The following WDR27 variants were observed in gnomAD, a reference collection of about 807,000 sequenced individuals.
WDR27 encodes the protein WD repeat-containing protein 27.
Under a neutral mutation model 114.4 loss-of-function variants are expected in WDR27, and 100 were observed. That is an observed-to-expected ratio of 0.87 (90% CI 0.74 to 1.03). The LOEUF (loss-of-function observed/expected upper bound fraction) is 1.03. Among genes scored for constraint, WDR27 ranks in the 50% least tolerant of loss-of-function variants. WDR27 has a pLI of 0.00. For synonymous variants in WDR27, 449 were observed against 423.1 expected, an observed-to-expected ratio of 1.06 and a Z score of -0.75; for missense variants, 1,129 against 1,092.9, an observed-to-expected ratio of 1.03 and a Z score of -0.47.
intron 21 of WDR27, among the ~76,000 whole-genome samples, chr6:169,623,168 G>C (rs1026175094): frequency 6.6e-6 from 1 of 152,054 alleles, no homozygotes; most frequent in Middle Eastern, 3.4e-3. Flanking sequence ...TACCCCACCC[G>C]ATCAATAAAC....
the WDR27 span, among the ~76,000 whole-genome samples, chr6:169,440,333 A>G: frequency 5.9e-5 from 9 of 152,368 alleles, no homozygotes; most frequent in South Asian, 1.2e-3. Context: ...ATTACTAAGA[A>G]GAGAAATAGT....
At chr6:169,546,864 CTTAG>C (rs1242650875) in intron 25 of WDR27, among the ~76,000 whole-genome samples, 2 of 152,104 alleles carry the variant, frequency 1.3e-5, no homozygotes, top group Non-Finnish European at 2.9e-5. Flanking sequence ...ACAGGGCCTC[CTTAG>C]TTTGTTAGAG....
At chr6:169,555,212 C>T (rs1452335985) in intron 25 of WDR27, among the ~76,000 whole-genome samples, 1 of 152,110 alleles carries the variant, frequency 6.6e-6, no homozygotes, top group South Asian at 2.1e-4. Flanking sequence ...GATGGAGACA[C>T]CAAGGTCTGA....
In WDR27 at chr6:169,647,870, C is replaced by T. The variant is rs1241158853; in HGVS notation, c.1560G>A (p.Arg520=). The T allele has an allele frequency of 1.9e-6, 3 of 1,551,826 alleles. No individual in the cohort carries two copies. The highest frequency in any genetic ancestry group is 1.2e-5 in the South Asian group (1 of 81,890). Reference sequence around the variant, plus strand: ...CAGCGCACTCCACGGGGTATGCCTCCCTGAGGGAAGGCCACAGGTAACGGT... The same window carrying T: ...CAGCGCACTCCACGGGGTATGCCTCTCTGAGGGAAGGCCACAGGTAACGGT... The part of the protein sequence containing the change: ...GSSRSRSSCA[R]EAYPVECAVP... The change falls in exon 16 of 26, where the codon CGG becomes CGA. Residue 520 remains arginine, a splice_region_variant and synonymous_variant. Transcript: ENST00000448612.
chr6:169,607,877 C>A (rs1809578088), intron 22 of WDR27, among the ~76,000 whole-genome samples: 1 of 152,052 alleles, frequency 6.6e-6, no homozygotes, highest in African/African-American at 2.4e-5. Flanking sequence ...AGTCATGCAT[C>A]ACTTAATGCC....
At chr6:169,649,723 CCATT>C (rs1821750162) in intron 14 of WDR27, among the ~76,000 whole-genome samples, 1 of 151,968 alleles carries the variant, frequency 6.6e-6, no homozygotes, top group South Asian at 2.1e-4. Flanking sequence ...CATCACCCAT[CCATT>C]CACTCATCCC....
chr6:169,692,336 G>A (rs1437602914), intron 1 of WDR27, among the ~76,000 whole-genome samples: 1 of 152,176 alleles, frequency 6.6e-6, no homozygotes, highest in African/African-American at 2.4e-5. Flanking sequence ...ACTGAATTAT[G>A]TGATAATTTA....
chr6:169,539,232 C>G (rs567698048), intron 25 of WDR27, among the ~76,000 whole-genome samples: 8 of 152,206 alleles, frequency 5.3e-5, no homozygotes, highest in Non-Finnish European at 1.0e-4. Flanking sequence ...TGTCCACTGC[C>G]TATAAGAACT....
chr6:169,649,399 G>A, intron 14 of WDR27, 124 bp from the exon 15 acceptor site: 2 of 793,998 alleles, frequency 2.5e-6, no homozygotes, highest in Admixed American at 2.2e-5. Context: ...AATGCTTTCG[G>A]GCCCCTCCCA....
At chr6:169,649,385 C>T in intron 14 of WDR27, 110 bp from the exon 15 acceptor site, 1 of 937,370 alleles carries the variant, frequency 1.1e-6, no homozygotes, top group Non-Finnish European at 1.6e-6. Flanking sequence ...TAGACGTCTG[C>T]ATAAATGCTT....
chr6:169,670,806 C>A, intron 3 of WDR27, 113 bp from the exon 4 acceptor site: 1 of 1,367,272 alleles, frequency 7.3e-7, no homozygotes, highest in Non-Finnish European at 1.0e-6. Context: ...GAGAGAATGA[C>A]AATGAGCTTT....
At chr6:169,694,419 A>C (rs1785297423) in intron 1 of WDR27, among the ~76,000 whole-genome samples, 1 of 152,234 alleles carries the variant, frequency 6.6e-6, no homozygotes, top group African/African-American at 2.4e-5. Flanking sequence ...TCTGGCAATC[A>C]AAAATTCTAC....
downstream of WDR27, among the ~76,000 whole-genome samples, chr6:169,455,892 A>C (rs577540251): frequency 6.6e-6 from 1 of 152,022 alleles, no homozygotes; most frequent in East Asian, 2.0e-4. Context: ...TTTACATATT[A>C]GAGTTTTCTT....
intron 25 of WDR27, among the ~76,000 whole-genome samples, chr6:169,502,665 G>A (rs1381682596): frequency 6.6e-6 from 1 of 152,100 alleles, no homozygotes; most frequent in Non-Finnish European, 1.5e-5. Context: ...ACTCCCCGGC[G>A]CTCCCTCTGC....
chr6:169,444,730 A>C, the WDR27 span, among the ~76,000 whole-genome samples: 1 of 151,828 alleles, frequency 6.6e-6, no homozygotes, highest in South Asian at 2.1e-4. Context: ...CTTCAGAAAC[A>C]ACCAGATCCT....
intron 25 of WDR27, among the ~76,000 whole-genome samples, chr6:169,476,065 G>A (rs952135219): frequency 5.3e-5 from 8 of 152,190 alleles, no homozygotes; most frequent in African/African-American, 1.9e-4. Flanking sequence ...GAAAAGCTGA[G>A]TGTTGGGAGA....
chr6:169,647,772 C>A lies in WDR27; in HGVS notation c.1657+1G>T. Reference sequence around the variant, plus strand: ...CCCAGCTCCCGCAGGACGTGGCGCACCTGAGTACTGGATGCAGCATACACG... The same window carrying A: ...CCCAGCTCCCGCAGGACGTGGCGCAACTGAGTACTGGATGCAGCATACACG... On this transcript the variant is annotated splice_donor_variant, in intron 16 of 25. Coordinates refer to ENST00000448612, the MANE Select transcript of WDR27 (RefSeq NM_182552.5). LOFTEE classifies it high-confidence loss of function. The A allele has an allele frequency of 6.3e-7, 1 of 1,575,574 alleles. No individual in the cohort carries two copies. Among genetic ancestry groups the A allele is most frequent in the Admixed American group, 1.8e-5 (1 of 54,464 alleles).
In WDR27 at chr6:169,527,037, C is replaced by T. The variant is rs185257682; in HGVS notation, c.2645+45382G>A. Among the ~76,000 whole-genome samples the T allele has an allele frequency of 6.6e-4, 100 of 152,320 alleles. No homozygotes were observed. In the Middle Eastern group the frequency reaches 0.01, roughly 16 times the overall value. ...GTAGAGCAACTGGAATCCTTATACA[C>T]GGCTAGTGGGAATGTAAAATAATGT... On this transcript the variant is annotated intron_variant, in intron 25 of 25. Coordinates refer to ENST00000448612, the MANE Select transcript of WDR27 (RefSeq NM_182552.5).
chr6:169,457,769 T>C (rs1459424989), intron 25 of WDR27, 135 bp from the exon 26 acceptor site: 2 of 618,990 alleles, frequency 3.2e-6, no homozygotes, highest in Non-Finnish European at 5.7e-6. Context: ...TACATTAACA[T>C]AGTAGAATCT....
Sources: allele counts gnomAD v4.1 joint callset (sites outside exome capture counted in the v4.1 genomes callset), GRCh38; gene constraint gnomAD v4.1.1; transcripts MANE v1.5; gene names NCBI Gene and HGNC (gene_info 2026-07-23, HGNC 2026-07-21).